Variants in SCD5 observed in about 807,000 individuals in gnomAD.
The protein encoded by SCD5 is acyl-CoA-desaturase 4.
SCD5 carries 20 observed loss-of-function variants against 30.4 expected under a neutral mutation model. The ratio of observed to expected loss-of-function variants is 0.66; its 90% CI spans 0.46 to 0.96. The LOEUF is 0.96. Among genes scored for constraint, SCD5 ranks in the 40% least tolerant of loss-of-function variants. SCD5 has a pLI of 0.00. For synonymous variants in SCD5, 173 were observed against 176.4 expected, an observed-to-expected ratio of 0.98 and a Z score of 0.16; for missense variants, 381 against 443.3, an observed-to-expected ratio of 0.86 and a Z score of 1.26.
chr4:82,780,175 C>G (rs1312081297), intron 1 of SCD5, among the ~76,000 whole-genome samples: 3 of 152,240 alleles, frequency 2.0e-5, no homozygotes, highest in African/African-American at 7.2e-5. Context: ...CTAGCATGTG[C>G]TGTTACAGCT....
At chr4:82,712,189 A>G (rs1260772180) in intron 1 of SCD5, among the ~76,000 whole-genome samples, 2 of 131,724 alleles carry the variant, frequency 1.5e-5, no homozygotes, top group Admixed American at 8.1e-5. Flanking sequence ...GTGCAGTTGC[A>G]GGACCCCAGC....
chr4:82,674,427 A>G (rs1560530371), intron 3 of SCD5, among the ~76,000 whole-genome samples: 1 of 152,228 alleles, frequency 6.6e-6, no homozygotes, highest in African/African-American at 2.4e-5. Flanking sequence ...TTGAGATACC[A>G]CTGCATATTA....
At chr4:82,796,996 T>C (rs967984879) in intron 1 of SCD5, among the ~76,000 whole-genome samples, 1 of 152,140 alleles carries the variant, frequency 6.6e-6, no homozygotes, top group Non-Finnish European at 1.5e-5. Flanking sequence ...CCAAAGATCC[T>C]ACCTCTCTCA....
chr4:82,740,690 G>A (rs1393883648), intron 1 of SCD5, among the ~76,000 whole-genome samples: 1 of 152,184 alleles, frequency 6.6e-6, no homozygotes, highest in African/African-American at 2.4e-5. Context: ...GCCACAGTTG[G>A]CTCTACTTTC....
Position 82,730,730 on chromosome 4 carries a change from C to A in SCD5, c.233-25317G>T, listed in dbSNP as rs528392903. On this transcript the variant is annotated intron_variant, in intron 1 of 4. Coordinates refer to ENST00000319540, the MANE Select transcript of SCD5 (RefSeq NM_001037582.3). ...CCTCCCGAGTAGCTGGGACTACAGGCACCCACCACCACGCCCGGCTAATTT... is the reference window on the plus strand; with the variant it reads ...CCTCCCGAGTAGCTGGGACTACAGGAACCCACCACCACGCCCGGCTAATTT... Among the ~76,000 whole-genome samples, 6 of 151,810 alleles carry A rather than the reference C, an allele frequency of 4.0e-5. No homozygotes were observed. In the South Asian group the frequency reaches 8.4e-4, roughly 21 times the overall value.
chr4:82,639,534 C>T (rs1023002977), intron 3 of SCD5, among the ~76,000 whole-genome samples: 25 of 152,208 alleles, frequency 1.6e-4, no homozygotes, highest in African/African-American at 5.8e-4. Context: ...AATGCTTGGG[C>T]GAGGCAGCTC....
intron 1 of SCD5, among the ~76,000 whole-genome samples, chr4:82,712,539 A>G (rs767703665): frequency 6.6e-6 from 1 of 151,114 alleles, no homozygotes; most frequent in Non-Finnish European, 1.5e-5. Context: ...GCTAGTCTCG[A>G]ACTTCTGACC....
At chr4:82,714,698 T>C (rs1720187601) in intron 1 of SCD5, among the ~76,000 whole-genome samples, 1 of 152,112 alleles carries the variant, frequency 6.6e-6, no homozygotes, top group Non-Finnish European at 1.5e-5. Context: ...TCTGAAATGT[T>C]CTAAAATTTG....
At chr4:82,727,337 G>A (rs1350129654) in intron 1 of SCD5, among the ~76,000 whole-genome samples, 1 of 152,192 alleles carries the variant, frequency 6.6e-6, no homozygotes, top group Non-Finnish European at 1.5e-5. Flanking sequence ...GCTCCTTAAA[G>A]GTGTGTACCC....
At chr4:82,717,564 T>C (rs750268382) in intron 1 of SCD5, among the ~76,000 whole-genome samples, 8 of 151,880 alleles carry the variant, frequency 5.3e-5, no homozygotes, top group Non-Finnish European at 8.8e-5. Context: ...TATATCACTA[T>C]AGGTATATGC....
chr4:82,670,783 G>A (rs1728303440), intron 3 of SCD5, among the ~76,000 whole-genome samples: 1 of 150,992 alleles, frequency 6.6e-6, no homozygotes, highest in African/African-American at 2.4e-5. Context: ...CATATCAATT[G>A]ACATGGCAAA....
At chr4:82,642,910 G>T (rs1170031502) in intron 3 of SCD5, among the ~76,000 whole-genome samples, 1 of 152,166 alleles carries the variant, frequency 6.6e-6, no homozygotes, top group Non-Finnish European at 1.5e-5. Flanking sequence ...TCTGGATTTT[G>T]TTCAGGTATC....
intron 1 of SCD5, among the ~76,000 whole-genome samples, chr4:82,759,498 C>T (rs1478729093): frequency 6.6e-6 from 1 of 152,052 alleles, no homozygotes; most frequent in Non-Finnish European, 1.5e-5. Flanking sequence ...TACACTTCCC[C>T]CTCAGACAAG....
At chr4:82,668,044 A>T (rs1359119522) in intron 3 of SCD5, among the ~76,000 whole-genome samples, 2 of 152,250 alleles carry the variant, frequency 1.3e-5, no homozygotes, top group Non-Finnish European at 2.9e-5. Context: ...TCACTTCCCC[A>T]CCAAAAACAA....
intron 1 of SCD5, among the ~76,000 whole-genome samples, chr4:82,715,933 A>G (rs1720216591): frequency 6.6e-6 from 1 of 151,848 alleles, no homozygotes; most frequent in South Asian, 2.1e-4. Context: ...ACTTGTGGCC[A>G]CACTCAAGTA....
chr4:82,761,896 G>A (rs1246806913), intron 1 of SCD5, among the ~76,000 whole-genome samples: 2 of 151,950 alleles, frequency 1.3e-5, no homozygotes, highest in Non-Finnish European at 2.9e-5. Context: ...TCCATGGCCG[G>A]GCGTAGTGGC....
chr4:82,716,190 G>A (rs922462317), intron 1 of SCD5, among the ~76,000 whole-genome samples: 1 of 151,586 alleles, frequency 6.6e-6, no homozygotes, highest in Non-Finnish European at 1.5e-5. Flanking sequence ...TCTCTTCCGG[G>A]TGTCGGGGAG....
intron 4 of SCD5, 62 bp downstream of exon 4, chr4:82,636,529 C>T: frequency 7.6e-7 from 1 of 1,318,680 alleles, no homozygotes; most frequent in Admixed American, 1.9e-5. Context: ...CACAAAACTA[C>T]TGAGAGGCCA....
intron 3 of SCD5, chr4:82,660,656 A>G: frequency 7.2e-7 from 1 of 1,396,702 alleles, no homozygotes; most frequent in Non-Finnish European, 9.3e-7. Context: ...CAGAGACAGA[A>G]TGACAAAACT....
Sources: gnomAD v4.1 joint callset for allele counts (sites outside exome capture counted in the v4.1 genomes callset) on GRCh38, gnomAD v4.1.1 for gene constraint, MANE v1.5 for transcripts, NCBI Gene and HGNC (gene_info 2026-07-23, HGNC 2026-07-21) for gene names.